The following FNDC1 variants were observed in gnomAD, a reference collection of about 807,000 sequenced individuals.
The protein encoded by FNDC1 is fibronectin type III domain-containing protein 1.
FNDC1 carries 96 observed loss-of-function variants against 168.0 expected under a neutral mutation model. The ratio of observed to expected loss-of-function variants is 0.57; its 90% confidence interval spans 0.48 to 0.68. The LOEUF is 0.68. FNDC1 is among the 30% of genes least tolerant of loss of function. The pLI is 0.00. For missense variants in FNDC1, 2,587 were observed against 2,482.1 expected (o/e 1.04, Z -0.90); for synonymous variants, 1,099 against 1,025.9 (o/e 1.07, Z -1.36).
chr6:159,207,410 C>T (rs1223468919), intron 4 of FNDC1, among the ~76,000 whole-genome samples: 1 of 152,114 alleles, frequency 6.6e-6, no homozygotes, highest in African/African-American at 2.4e-5. Context: ...GCCTTCCAGT[C>T]CTGGAAGAAC....
At position 159,232,722 on chromosome 6, in the gene FNDC1, G is replaced by A. The variant is rs1422122212; in HGVS notation, c.2210G>A (p.Ser737Asn). ...CTGCTGCCCACCCAGCCACACCTGA[G>A]CTCTCCACTTTCCAAGGGCGGGAAG... ...SRLLPTQPHL[S>N]SPLSKGGKDG... The change falls in exon 11 of 23, where the codon AGC becomes AAC. Residue 737 changes from serine (S) to asparagine (N), a missense_variant. Transcript: ENST00000297267. The surrounding 1 kb of genome is among the most constrained non-coding windows in gnomAD (Gnocchi z 4.9). The A allele has an allele frequency of 5.0e-6, 8 of 1,613,770 alleles. No homozygotes were observed. The highest frequency in any genetic ancestry group is 4.0e-5 in the African/African-American group (3 of 74,908).
At chr6:159,231,526 T>G (rs1783082601) in intron 10 of FNDC1, among the ~76,000 whole-genome samples, 1 of 152,212 alleles carries the variant, frequency 6.6e-6, no homozygotes, top group East Asian at 1.9e-4. Context: ...CACTGACAAT[T>G]AGTTTTATTA....
At chr6:159,198,247 G>A (rs750369221) in intron 2 of FNDC1, among the ~76,000 whole-genome samples, 11 of 152,322 alleles carry the variant, frequency 7.2e-5, no homozygotes, top group Middle Eastern at 3.4e-3. Flanking sequence ...GTAACCTAAA[G>A]CCCCATTGAT....
chr6:159,247,250 C>T (rs1353920243), intron 15 of FNDC1, among the ~76,000 whole-genome samples: 1 of 150,146 alleles, frequency 6.7e-6, no homozygotes, highest in African/African-American at 2.4e-5. Flanking sequence ...CCTCCTTGGA[C>T]CCAAGGAATT....
At position 159,214,945 on chromosome 6, in the gene FNDC1, A is replaced by G; in HGVS notation, c.461A>G (p.Glu154Gly). ...GPGPFNETVT[E>G]KEVPNKPLRV... ...ACTTTTGTGTCCTGCCCTCTTTAAG[A>G]AAAGGAAGTGCCCAACAAGCCCTTG... The change falls in exon 5 of 23, where the codon GAA becomes GGA. Residue 154 changes from glutamate to glycine, a missense_variant and splice_region_variant. Physicochemically the swap from Glu to Gly is moderately conservative, Grantham distance 98 (BLOSUM62 -2). Coordinates refer to ENST00000297267, the MANE Select transcript of FNDC1 (RefSeq NM_032532.3). The G allele has an allele frequency of 1.2e-6, 2 of 1,613,664 alleles. No homozygotes were observed. The highest frequency in any genetic ancestry group is 2.2e-5 in the South Asian group (2 of 91,064).
chr6:159,214,983 C>T lies in FNDC1; in HGVS notation c.499C>T (p.Arg167Trp), dbSNP rs762962324. 2.1e-5 allele frequency: 34 copies of T among 1,613,858 alleles called. No homozygotes were observed. The highest frequency in any genetic ancestry group is 1.1e-4 in the South Asian group (10 of 91,090). Residue 167 changes from arginine (R) to tryptophan (W), a missense_variant, in exon 5 of 23, where the codon CGG (arginine) becomes TGG (tryptophan). Arg to Trp is a moderately radical substitution (Grantham distance 101). Coordinates refer to ENST00000297267, the MANE Select transcript of FNDC1 (RefSeq NM_032532.3). ...VPNKPLRVRV[R>W]SSDDRLSVAW... ...CAACAAGCCCTTGCGTGTGCGTGTCCGGTCCTCAGATGACAGGCTGTCCGT... is the reference window on the plus strand; with the variant it reads ...CAACAAGCCCTTGCGTGTGCGTGTCTGGTCCTCAGATGACAGGCTGTCCGT...
intron 10 of FNDC1, 48 bp from the exon 11 acceptor site, chr6:159,231,834 G>A: frequency 6.6e-7 from 1 of 1,508,068 alleles, no homozygotes; most frequent in Non-Finnish European, 8.9e-7. Flanking sequence ...CTCCGCTTTC[G>A]CTTTTGAGTT....
Position 159,271,603 on chromosome 6 carries a change from C to T in FNDC1, c.*161C>T. 2 of 589,300 alleles carry T rather than the reference C, an allele frequency of 3.4e-6. No homozygotes were observed. The highest frequency in any genetic ancestry group is 3.0e-5 in the East Asian group (1 of 33,110). 36.5% of individuals were successfully genotyped at this position (589,300 alleles called of 1,614,324 possible). A position where few individuals can be genotyped will look rare whatever the true frequency, so the allele number is the denominator to read the frequency against. On this transcript the variant is annotated 3_prime_UTR_variant, in exon 23 of 23. Coordinates refer to ENST00000297267, the MANE Select transcript of FNDC1 (RefSeq NM_032532.3). ...CCATTCTGGTCATCTCAGTCTGGAA[C>T]TCAGTCCCACTTCTTGGCCTGGACA...
In FNDC1 at chr6:159,225,713, C is replaced by G; in HGVS notation, c.1063C>G (p.Pro355Ala). 6.2e-7 allele frequency: 1 copy of G among 1,607,412 alleles called. No homozygotes were observed. Among genetic ancestry groups the G allele is most frequent in the Non-Finnish European group, 8.5e-7 (1 of 1,175,230 alleles). The part of the protein sequence containing the change: ...KWSTSVFQRT[P>A]ESAPTTAPEN... Reference sequence around the variant, plus strand: ...GAGTACGTCAGTCTTCCAAAGAACACCAGAATCTGGTCTGTATTTGAAATG... The same window carrying G: ...GAGTACGTCAGTCTTCCAAAGAACAGCAGAATCTGGTCTGTATTTGAAATG... Residue 355 changes from proline (P) to alanine (A), a missense_variant, in exon 8 of 23, where the codon CCA becomes GCA. Physicochemically the swap from Pro to Ala is conservative, Grantham distance 27 (BLOSUM62 -1). Transcript: ENST00000297267.
At chr6:159,217,006 C>T (rs1437215519) in intron 5 of FNDC1, among the ~76,000 whole-genome samples, 2 of 152,216 alleles carry the variant, frequency 1.3e-5, no homozygotes, top group Non-Finnish European at 2.9e-5. Flanking sequence ...GCTTCCTGCC[C>T]CGTGGTGTGG....
At chr6:159,172,524 C>T (rs1472197394) in intron 1 of FNDC1, among the ~76,000 whole-genome samples, 2 of 152,086 alleles carry the variant, frequency 1.3e-5, no homozygotes, top group Non-Finnish European at 2.9e-5. Context: ...CTAGTGAGAT[C>T]AATGGTGATA....
At chr6:159,212,628 G>A (rs1351641947) in intron 4 of FNDC1, among the ~76,000 whole-genome samples, 3 of 152,140 alleles carry the variant, frequency 2.0e-5, no homozygotes, top group Admixed American at 6.5e-5. Context: ...GGTTATTACC[G>A]AGACAGCGAG....
chr6:159,171,779 G>A (rs111503343), intron 1 of FNDC1, among the ~76,000 whole-genome samples: 4 of 152,236 alleles, frequency 2.6e-5, no homozygotes, highest in African/African-American at 9.6e-5. Context: ...ACATGTGGAT[G>A]TACTCACACA....
chr6:159,224,756 A>G (rs943497525), intron 7 of FNDC1, among the ~76,000 whole-genome samples: 1 of 152,214 alleles, frequency 6.6e-6, no homozygotes, highest in Non-Finnish European at 1.5e-5. Context: ...CTCTTAACAT[A>G]TTCAGTATAA....
chr6:159,201,865 C>G (rs112590792), intron 4 of FNDC1, among the ~76,000 whole-genome samples: 142 of 152,252 alleles, frequency 9.3e-4, no homozygotes, highest in African/African-American at 3.4e-3. Flanking sequence ...CTTCCTGATA[C>G]AGTTTTTTGA....
chr6:159,212,188 T>C (rs1782619436), intron 4 of FNDC1, among the ~76,000 whole-genome samples: 1 of 152,350 alleles, frequency 6.6e-6, no homozygotes, highest in Middle Eastern at 3.4e-3. Flanking sequence ...ATTCACCTGA[T>C]TACGTTGTAC....
intron 1 of FNDC1, among the ~76,000 whole-genome samples, chr6:159,182,842 A>G (rs1448478766): frequency 6.6e-6 from 1 of 152,246 alleles, no homozygotes; most frequent in East Asian, 1.9e-4. Context: ...ATCAATAGGC[A>G]GATGGAAGAG....
chr6:159,232,741 C>T lies in FNDC1; in HGVS notation c.2229C>T (p.Gly743=), dbSNP rs773803116. Residue 743 remains glycine (G), a synonymous_variant, in exon 11 of 23, where the codon GGC becomes GGT. Coordinates refer to ENST00000297267, the MANE Select transcript of FNDC1 (RefSeq NM_032532.3). The surrounding 1 kb of genome is among the most constrained non-coding windows in gnomAD (Gnocchi z 4.9). ...QPHLSSPLSK[G]GKDGEDAPAT... is the part of the protein sequence containing the mutation. ...ACCTGAGCTCTCCACTTTCCAAGGG[C>T]GGGAAGGATGGTGAGGACGCCCCAG... 1 of 1,613,946 alleles carries T rather than the reference C, an allele frequency of 6.2e-7. No homozygotes were observed. The highest frequency in any genetic ancestry group is 8.5e-7 in the Non-Finnish European group (1 of 1,179,888).
rs575733474 is a variant in FNDC1, at chr6:159,249,125, G to T, written c.4777G>T (p.Ala1593Ser). Residue 1593 changes from alanine to serine, a missense_variant, in exon 16 of 23, where the codon GCC (alanine) becomes TCC (serine). Ala to Ser is a moderately conservative substitution (Grantham distance 99, BLOSUM62 1). Transcript: ENST00000297267. ...ACCGAGGGTGATCCCAGAGGAAGGC[G>T]CCATCAGTTCCTTTCCTGAAGAAGA... ...TTPRVIPEEG[A>S]ISSFPEEEFD... 2.5e-6 allele frequency: 4 copies of T among 1,610,272 alleles called. No individual in the cohort carries two copies. The highest frequency in any genetic ancestry group is 3.4e-5 in the Admixed American group (2 of 59,616).
Sources: allele counts gnomAD v4.1 joint callset (sites outside exome capture counted in the v4.1 genomes callset), GRCh38; gene constraint gnomAD v4.1.1; non-coding constraint Gnocchi (gnomAD v3.1); transcripts MANE v1.5; gene names NCBI Gene and HGNC (gene_info 2026-07-23, HGNC 2026-07-21).